Variants in ADGRL3 observed in about 807,000 individuals in gnomAD.
The protein encoded by ADGRL3 is adhesion G protein-coupled receptor L3, also known as calcium-independent alpha-latrotoxin receptor 3.
ADGRL3 carries 62 observed loss-of-function variants against 153.5 expected under a neutral mutation model. That is an observed-to-expected ratio of 0.40 (90% confidence interval 0.33 to 0.50). The LOEUF (loss-of-function observed/expected upper bound fraction) is 0.50. Among genes scored for constraint, ADGRL3 ranks in the 20% least tolerant of loss-of-function variants. The probability of loss-of-function intolerance (pLI) is 0.47; values close to 1 mark genes in which losing one functional copy is unlikely to be tolerated. For synonymous variants in ADGRL3, 710 were observed against 672.5 expected, an observed-to-expected ratio of 1.06 and a Z score of -0.86; for missense variants, 1,641 against 1,859.4, an observed-to-expected ratio of 0.88 and a Z score of 2.16.
intron 5 of ADGRL3, among the ~76,000 whole-genome samples, chr4:61,635,881 A>G (rs1202450619): frequency 6.6e-6 from 1 of 152,034 alleles, no homozygotes; most frequent in Admixed American, 6.6e-5. Flanking sequence ...TTCTTCTTCA[A>G]AGGACACCAA....
rs138103300 is a variant in ADGRL3, at chr4:61,855,722, A to C, written c.1481-36934A>C. Among the ~76,000 whole-genome samples the C allele has an allele frequency of 3.4e-4, 52 of 152,268 alleles. 1 individual carries two copies. The East Asian group carries it at 8.7e-3, about 25-fold the overall frequency. ...TTATGAGCTATTAATGAAGAAAAAA[A>C]AATACTTGCCTAATAGTCACCTAAA... is the stretch of plus-strand genomic sequence containing the variant. On this transcript the variant is annotated intron_variant, in intron 9 of 26. Coordinates refer to ENST00000683033, the MANE Select transcript of ADGRL3 (RefSeq NM_001387552.1).
intron 1 of ADGRL3, among the ~76,000 whole-genome samples, chr4:61,235,332 T>C (rs1752404144): frequency 6.6e-6 from 1 of 152,230 alleles, no homozygotes; most frequent in African/African-American, 2.4e-5. Flanking sequence ...TTGCTAATTC[T>C]TTTTTGTAGT....
intron 17 of ADGRL3, among the ~76,000 whole-genome samples, chr4:61,957,278 T>C (rs2098970766): frequency 1.3e-5 from 2 of 152,156 alleles, no homozygotes; most frequent in South Asian, 2.1e-4. Flanking sequence ...TTCCTAGGTA[T>C]TTTATTCTCT....
At chr4:61,514,625 T>C (rs974457390) in intron 3 of ADGRL3, among the ~76,000 whole-genome samples, 1 of 152,168 alleles carries the variant, frequency 6.6e-6, no homozygotes, top group Non-Finnish European at 1.5e-5. Flanking sequence ...CTTTTATAGA[T>C]ACAGTGAATT....
At chr4:61,485,996 T>C (rs993750141) in intron 2 of ADGRL3, among the ~76,000 whole-genome samples, 4 of 151,936 alleles carry the variant, frequency 2.6e-5, no homozygotes, top group African/African-American at 9.7e-5. Context: ...CCGGCTGGAG[T>C]GCAGTGGCAC....
chr4:61,607,768 G>A (rs1043006804), intron 5 of ADGRL3, among the ~76,000 whole-genome samples: 1 of 152,172 alleles, frequency 6.6e-6, no homozygotes, highest in Non-Finnish European at 1.5e-5. Flanking sequence ...TCCTAATCTT[G>A]TGACTTTTCA....
At chr4:61,549,490 C>T (rs1026027591) in intron 4 of ADGRL3, among the ~76,000 whole-genome samples, 14 of 151,956 alleles carry the variant, frequency 9.2e-5, no homozygotes, top group Non-Finnish European at 7.4e-5. Context: ...CTGAGAACTT[C>T]CTCTGCTATC....
At chr4:61,325,295 T>C (rs995476238) in intron 1 of ADGRL3, among the ~76,000 whole-genome samples, 2 of 152,118 alleles carry the variant, frequency 1.3e-5, no homozygotes, top group Non-Finnish European at 1.5e-5. Context: ...CTGGCGACAG[T>C]GAGAGACTCA....
chr4:61,654,593 C>T (rs1229756550), intron 5 of ADGRL3, among the ~76,000 whole-genome samples: 1 of 151,306 alleles, frequency 6.6e-6, no homozygotes, highest in East Asian at 1.9e-4. Flanking sequence ...GTAATAATAC[C>T]TGAGCCTACT....
chr4:61,891,960 T>G (rs980124758), intron 9 of ADGRL3, among the ~76,000 whole-genome samples: 6 of 152,200 alleles, frequency 3.9e-5, no homozygotes, highest in African/African-American at 1.4e-4. Context: ...GAATACATTT[T>G]CCCATTCAAA....
intron 17 of ADGRL3, 48 bp from the exon 18 acceptor site, chr4:61,979,509 TTTGTAA>T (rs1159495929): frequency 1.4e-6 from 2 of 1,472,892 alleles, no homozygotes; most frequent in African/African-American, 2.8e-5. Context: ...CTTATAAAAC[TTTGTAA>T]TTGGTTATGC....
At chr4:61,816,166 T>C (rs1049992542) in intron 9 of ADGRL3, among the ~76,000 whole-genome samples, 4 of 152,184 alleles carry the variant, frequency 2.6e-5, no homozygotes, top group Non-Finnish European at 5.9e-5. Flanking sequence ...AAGATCCCAA[T>C]ATGATTTGAA....
chr4:61,370,488 C>A (rs978199111), intron 1 of ADGRL3, among the ~76,000 whole-genome samples: 1 of 151,910 alleles, frequency 6.6e-6, no homozygotes, highest in East Asian at 1.9e-4. Context: ...TCGTTATGTA[C>A]CCAGTAGTCA....
intron 5 of ADGRL3, among the ~76,000 whole-genome samples, chr4:61,637,725 C>A (rs1452738670): frequency 6.6e-6 from 1 of 152,188 alleles, no homozygotes; most frequent in African/African-American, 2.4e-5. Context: ...CATGCCACTG[C>A]ACTCCAGCCT....
At chr4:61,683,335 T>G (rs1435337353) in intron 6 of ADGRL3, among the ~76,000 whole-genome samples, 1 of 152,088 alleles carries the variant, frequency 6.6e-6, no homozygotes, top group Non-Finnish European at 1.5e-5. Flanking sequence ...CTTTCTGCTC[T>G]TTAGCTCAGC....
intron 25 of ADGRL3, among the ~76,000 whole-genome samples, chr4:62,050,724 T>G: frequency 6.6e-6 from 1 of 152,164 alleles, no homozygotes; most frequent in Non-Finnish European, 1.5e-5. Flanking sequence ...AAATATAATT[T>G]GACTCATATG....
intron 5 of ADGRL3, among the ~76,000 whole-genome samples, chr4:61,665,077 G>A (rs1269219872): frequency 6.6e-6 from 1 of 152,228 alleles, no homozygotes; most frequent in Non-Finnish European, 1.5e-5. Flanking sequence ...TTAAGGGGTA[G>A]TCTTCTGAAT....
At chr4:61,541,346 ATTTTTTTTT>A (rs3075146) in intron 4 of ADGRL3, among the ~76,000 whole-genome samples, 3 of 103,338 alleles carry the variant, frequency 2.9e-5, no homozygotes, top group African/African-American at 3.9e-5. Flanking sequence ...TCTGGTAGAG[ATTTTTTTTT>A]TTTTTTTTTT....
At chr4:61,744,605 G>C (rs531436944) in intron 8 of ADGRL3, among the ~76,000 whole-genome samples, 363 of 152,232 alleles carry the variant, frequency 2.4e-3, no homozygotes, top group African/African-American at 6.6e-3. Context: ...AGGCAAACAG[G>C]GTCTGGAGTG....
Sources: gnomAD v4.1 joint callset for allele counts (sites outside exome capture counted in the v4.1 genomes callset) on GRCh38, gnomAD v4.1.1 for gene constraint, MANE v1.5 for transcripts, NCBI Gene and HGNC (gene_info 2026-07-23, HGNC 2026-07-21) for gene names.